Variants in LARS2 observed in about 807,000 individuals in gnomAD.
LARS2 encodes leucyl-tRNA synthetase 2, mitochondrial.
In LARS2, 81 loss-of-function variants were observed where a neutral mutation model predicts 116.6. The ratio of observed to expected loss-of-function variants is 0.69; its 90% confidence interval spans 0.58 to 0.84. The LOEUF (loss-of-function observed/expected upper bound fraction) is 0.84. LARS2 is among the 40% of genes least tolerant of loss of function. The pLI, the probability that LARS2 is intolerant of heterozygous loss-of-function variation, is 0.00. For synonymous variants in LARS2, 396 were observed against 407.2 expected (o/e 0.97, Z 0.33); for missense variants, 968 against 1,114.5 (o/e 0.87, Z 1.87).
chr3:45,513,524 C>T (rs1329831291), intron 16 of LARS2, among the ~76,000 whole-genome samples: 3 of 152,240 alleles, frequency 2.0e-5, no homozygotes, highest in Admixed American at 6.5e-5. Flanking sequence ...GGCATGACCT[C>T]CTATCCCAGA....
chr3:45,466,295 G>A (rs116394213), intron 8 of LARS2, among the ~76,000 whole-genome samples: 10 of 152,248 alleles, frequency 6.6e-5, no homozygotes, highest in African/African-American at 2.2e-4. Flanking sequence ...TCGCTGCACA[G>A]GCCTGGTGAG....
chr3:45,447,023 T>C, intron 7 of LARS2, 43 bp downstream of exon 7: 1 of 1,157,508 alleles, frequency 8.6e-7, no homozygotes, highest in African/African-American at 1.5e-5. Context: ...AGTGAATCTC[T>C]TTAGGATACA....
intron 21 of LARS2, among the ~76,000 whole-genome samples, chr3:45,546,525 A>G (rs547393189): frequency 4.6e-5 from 7 of 152,240 alleles, no homozygotes; most frequent in Non-Finnish European, 8.8e-5. Context: ...ATTAGGGGAC[A>G]TTTGATAATG....
intron 20 of LARS2, among the ~76,000 whole-genome samples, chr3:45,534,116 C>T (rs945866092): frequency 2.0e-5 from 3 of 152,210 alleles, no homozygotes; most frequent in Non-Finnish European, 4.4e-5. Context: ...TATAGCAACT[C>T]ATTTTTTTTC....
intron 8 of LARS2, among the ~76,000 whole-genome samples, chr3:45,471,616 G>A (rs945489850): frequency 6.6e-6 from 1 of 152,182 alleles, no homozygotes; most frequent in Non-Finnish European, 1.5e-5. Flanking sequence ...ATTGGACTTA[G>A]TCAGGGAGAT....
At chr3:45,449,868 C>T (rs945873682) in intron 7 of LARS2, among the ~76,000 whole-genome samples, 29 of 152,130 alleles carry the variant, frequency 1.9e-4, no homozygotes, top group African/African-American at 6.3e-4. Context: ...CATTACTAAA[C>T]GTAGCTGGAG....
At chr3:45,482,847 C>G (rs1469217620) in intron 10 of LARS2, among the ~76,000 whole-genome samples, 1 of 152,154 alleles carries the variant, frequency 6.6e-6, no homozygotes, top group African/African-American at 2.4e-5. Flanking sequence ...GGGCAGTTAT[C>G]CTCTGTCTTG....
chr3:45,529,298 A>G (rs146964366), intron 20 of LARS2, among the ~76,000 whole-genome samples: 1,691 of 152,212 alleles, frequency 0.011, 28 homozygotes, highest in African/African-American at 0.038. Flanking sequence ...CGGGCACGGT[A>G]GCTCACACCT....
intron 15 of LARS2, among the ~76,000 whole-genome samples, chr3:45,502,456 A>C (rs893158018): frequency 8.6e-5 from 13 of 152,036 alleles, no homozygotes; most frequent in Non-Finnish European, 1.5e-4. Flanking sequence ...GGAATAGTCC[A>C]TCCTTTTCCC....
Position 45,419,734 on chromosome 3 carries a change from G to A in LARS2, c.516+5G>A. 6.2e-7 allele frequency: 1 copy of A among 1,611,518 alleles called. No homozygotes were observed. Among genetic ancestry groups the A allele is most frequent in the East Asian group, 2.2e-5 (1 of 44,862 alleles). On this transcript the variant is annotated splice_donor_5th_base_variant and intron_variant, in intron 6 of 21. Transcript: ENST00000645846. ...CTGTGTTTCAGCTGGGATAGGGTAAGTCAACTCTTTTTCCTGAAAGGTCGT... is the reference window on the plus strand; with the variant it reads ...CTGTGTTTCAGCTGGGATAGGGTAAATCAACTCTTTTTCCTGAAAGGTCGT...
chr3:45,412,153 C>T (rs1331450723), intron 4 of LARS2, among the ~76,000 whole-genome samples: 1 of 152,058 alleles, frequency 6.6e-6, no homozygotes, highest in East Asian at 1.9e-4. Flanking sequence ...AGTGAACATA[C>T]ATGTGGATGT....
intron 20 of LARS2, among the ~76,000 whole-genome samples, chr3:45,531,538 C>A (rs539448868): frequency 6.6e-6 from 1 of 151,688 alleles, no homozygotes; most frequent in Non-Finnish European, 1.5e-5. Flanking sequence ...CCCCTACGCC[C>A]GGCTAATTTT....
At chr3:45,532,114 T>C (rs1252083430) in intron 20 of LARS2, among the ~76,000 whole-genome samples, 1 of 152,172 alleles carries the variant, frequency 6.6e-6, no homozygotes, top group Non-Finnish European at 1.5e-5. Flanking sequence ...TTATTATACT[T>C]TTTAGAAAAC....
intron 7 of LARS2, among the ~76,000 whole-genome samples, chr3:45,455,760 C>T (rs188933367): frequency 1.1e-4 from 16 of 151,860 alleles, no homozygotes; most frequent in Admixed American, 3.9e-4. Context: ...CATCAACAGA[C>T]GAATGAATAA....
chr3:45,527,657 G>A (rs1700551743), intron 20 of LARS2, among the ~76,000 whole-genome samples: 1 of 152,070 alleles, frequency 6.6e-6, no homozygotes, highest in Admixed American at 6.5e-5. Flanking sequence ...TCTTTAGGGA[G>A]ATACACCTGA....
chr3:45,527,141 C>T (rs1255925908), intron 20 of LARS2, among the ~76,000 whole-genome samples: 1 of 152,150 alleles, frequency 6.6e-6, no homozygotes, highest in Non-Finnish European at 1.5e-5. Flanking sequence ...AGGAACACAC[C>T]TTCAGATAAC....
chr3:45,532,064 C>T (rs1347503668), intron 20 of LARS2, among the ~76,000 whole-genome samples: 1 of 152,138 alleles, frequency 6.6e-6, no homozygotes, highest in Non-Finnish European at 1.5e-5. Context: ...AGGATGTTTT[C>T]TTCTTCTAAT....
At chr3:45,442,513 A>G (rs1002263519) in intron 6 of LARS2, among the ~76,000 whole-genome samples, 1 of 152,244 alleles carries the variant, frequency 6.6e-6, no homozygotes. Flanking sequence ...GAGGCACATT[A>G]AATGATTTAA....
At chr3:45,439,540 C>T (rs900478771) in intron 6 of LARS2, among the ~76,000 whole-genome samples, 1 of 151,948 alleles carries the variant, frequency 6.6e-6, no homozygotes, top group African/African-American at 2.4e-5. Flanking sequence ...TTTTAAACAG[C>T]TGGCCATTGA....
Sources: gnomAD v4.1 joint callset for allele counts (sites outside exome capture counted in the v4.1 genomes callset) on GRCh38, gnomAD v4.1.1 for gene constraint, MANE v1.5 for transcripts, NCBI Gene and HGNC (gene_info 2026-07-23, HGNC 2026-07-21) for gene names.